ZAN: variants seen among roughly 807,000 people sequenced by gnomAD.
ZAN encodes the protein zonadhesin (gene/pseudogene).
A neutral mutation model predicts 286.2 loss-of-function variants in ZAN; 260 were observed. That is an observed-to-expected ratio of 0.91 (90% confidence interval 0.82 to 1.01). ZAN has a LOEUF of 1.01. Among genes scored for constraint, ZAN ranks in the 50% least tolerant of loss-of-function variants. The pLI is 0.00. For synonymous variants in ZAN, 1,368 were observed against 1,417.5 expected (o/e 0.97, Z 0.79); for missense variants, 3,410 against 3,639.2 (o/e 0.94, Z 1.62).
chr7:100,784,818 A>G lies in ZAN; in HGVS notation c.6818A>G (p.His2273Arg). The G allele has an allele frequency of 1.2e-6, 2 of 1,601,730 alleles. No individual in the cohort carries two copies. Among genetic ancestry groups the G allele is most frequent in the Non-Finnish European group, 1.7e-6 (2 of 1,171,892 alleles). Residue 2273 changes from histidine (H) to arginine (R), a missense_variant, in exon 36 of 48, where the codon CAT becomes CGT. Physicochemically the swap from His to Arg is conservative, Grantham distance 29. Transcript: ENST00000613979. ...PRSQCGCKDA[H>R]GGSIPLGKSW... ...AGTCAGTGTGGCTGCAAGGATGCCC[A>G]TGGTGGCTCCATCCCTGTGAGTGGG...
intron 15 of ZAN, among the ~76,000 whole-genome samples, chr7:100,757,525 C>A (rs980606665): frequency 6.6e-6 from 1 of 151,710 alleles, no homozygotes; most frequent in Admixed American, 6.6e-5. Flanking sequence ...GAGGCCAAGG[C>A]GGGCGGATCA....
intron 8 of ZAN, 50 bp downstream of exon 8, chr7:100,746,752 AGGGTTGGCTTGATGGG>A: frequency 1.9e-6 from 3 of 1,594,894 alleles, no homozygotes; most frequent in Non-Finnish European, 1.7e-6. Context: ...CGCATCTCCC[AGGGTTGGCTTGATGGG>A]GAAACATGGG....
intron 24 of ZAN, 88 bp downstream of exon 24, chr7:100,766,754 A>T: frequency 6.7e-7 from 1 of 1,484,264 alleles, no homozygotes; most frequent in Non-Finnish European, 9.0e-7. Flanking sequence ...GCTTCCCCAG[A>T]CAGCTGAGTC....
At chr7:100,794,855 A>G (rs2116355582) in intron 44 of ZAN, among the ~76,000 whole-genome samples, 1 of 130,266 alleles carries the variant, frequency 7.7e-6, no homozygotes, top group East Asian at 2.7e-4. Flanking sequence ...AGAGAAGAGA[A>G]GGGAGGAGGG....
At chr7:100,747,667 C>A (rs1808328185) in intron 9 of ZAN, 26 bp downstream of exon 9, 8 of 1,599,550 alleles carry the variant, frequency 5.0e-6, no homozygotes, top group Non-Finnish European at 6.0e-6. Context: ...GGGTCAGGTC[C>A]TTGCACATGG....
Position 100,737,293 on chromosome 7 carries a change from C to A in ZAN, c.557C>A (p.Ala186Asp), listed in dbSNP as rs777692278. Residue 186 changes from alanine (A) to aspartate (D), a missense_variant, in exon 6 of 48, where the codon GCC becomes GAC. By Grantham distance (126) the Ala-to-Asp change is moderately radical. Coordinates refer to ENST00000613979, the MANE Select transcript of ZAN (RefSeq NM_003386.3). ...TTTGAGGGAACACGGGGTAGCACTG[C>A]CTACCTGGACATCGCCCTGGATGCC... ...LMFEGTRGSTAYLDIALDALS... is the reference protein window; with the variant it reads ...LMFEGTRGSTDYLDIALDALS... The A allele has an allele frequency of 1.3e-6, 2 of 1,490,354 alleles. No homozygotes were observed. The highest frequency in any genetic ancestry group is 1.4e-5 in the African/African-American group (1 of 70,348). 92.3% of individuals were successfully genotyped at this position (1,490,354 alleles called of 1,614,324 possible). A position where few individuals can be genotyped will look rare whatever the true frequency, so the allele number is the denominator to read the frequency against.
At chr7:100,792,998 G>GAAA (rs1233962121) in intron 42 of ZAN, among the ~76,000 whole-genome samples, 1 of 95,376 alleles carries the variant, frequency 1.0e-5, no homozygotes, top group Non-Finnish European at 2.4e-5. Context: ...AAAAAAAAAA[G>GAAA]AAAGAAAGAA....
At chr7:100,742,894 ACGGG>A (rs1280363181) in intron 7 of ZAN, among the ~76,000 whole-genome samples, 1 of 35,230 alleles carries the variant, frequency 2.8e-5, no homozygotes, top group Non-Finnish European at 7.0e-5. Context: ...GGGGAGGGGG[ACGGG>A]GACGATCTGA....
chr7:100,738,424 G>A lies in ZAN; in HGVS notation c.614-37G>A. 2.1e-6 allele frequency: 3 copies of A among 1,442,174 alleles called. 1 individual carries two copies. The highest frequency in any genetic ancestry group is 2.1e-5 in the Admixed American group (1 of 48,174). The allele number at this position is 1,442,174 out of a possible 1,614,324, so 89.3% of individuals were successfully genotyped here. A position where few individuals can be genotyped will look rare whatever the true frequency, so the allele number is the denominator to read the frequency against. On this transcript the variant is annotated intron_variant, in intron 6 of 47. Coordinates refer to ENST00000613979, the MANE Select transcript of ZAN (RefSeq NM_003386.3). The stretch of plus-strand genomic sequence containing the variant: ...CAGAGACCCTGTCTCTAAAAAAGAA[G>A]AAAACATTATATCTTCCCTTCTTTC...
At chr7:100,761,514 G>A (rs1028807228) in intron 19 of ZAN, among the ~76,000 whole-genome samples, 1 of 152,076 alleles carries the variant, frequency 6.6e-6, no homozygotes, top group Admixed American at 6.6e-5. Context: ...CTTGCCTGTA[G>A]TCTCAGCTAC....
At position 100,773,491 on chromosome 7, in the gene ZAN, C is replaced by T. The variant is rs314298; in HGVS notation, c.5632C>T (p.Pro1878Ser). Residue 1878 changes from proline (P) to serine (S), a missense_variant and splice_region_variant, in exon 30 of 48, where the codon CCG (proline) becomes TCG (serine). Physicochemically the swap from Pro to Ser is moderately conservative, Grantham distance 74. Coordinates refer to ENST00000613979, the MANE Select transcript of ZAN (RefSeq NM_003386.3). ...CACTGACCCAGCGGGCTCCTACCAC[C>T]CGGTGAGAGGCCAGCTAGGAGGGGC... ...GCTDPAGSYHPVGERWYTENT... is the reference protein window; with the variant it reads ...GCTDPAGSYHSVGERWYTENT... The T allele has an allele frequency of 0.54, 875,883 of 1,611,480 alleles. 245,687 individuals are homozygous for T. Among genetic ancestry groups the T allele is most frequent in the African/African-American group, 0.7 (52,743 of 74,934 alleles).
intron 11 of ZAN, among the ~76,000 whole-genome samples, chr7:100,749,648 A>AT (rs1478364535): frequency 8.0e-5 from 10 of 125,400 alleles, no homozygotes; most frequent in African/African-American, 2.9e-4. Context: ...TCAAAAAAAA[A>AT]AAAATATATA....
Position 100,795,422 on chromosome 7 carries a change from A to G in ZAN, c.8266+86A>G, listed in dbSNP as rs924237537. The G allele has an allele frequency of 5.6e-6, 7 of 1,258,396 alleles. No homozygotes were observed. The African/African-American group carries it at 1.1e-4, about 20-fold the overall frequency. 78.0% of individuals were successfully genotyped at this position (1,258,396 alleles called of 1,614,324 possible). ...ATGATTCTATATGTATTATATTCACATATAGAATGATATGTATTATAATAT... is the reference window on the plus strand; with the variant it reads ...ATGATTCTATATGTATTATATTCACGTATAGAATGATATGTATTATAATAT... On this transcript the variant is annotated intron_variant, in intron 45 of 47. Coordinates refer to ENST00000613979, the MANE Select transcript of ZAN (RefSeq NM_003386.3).
intron 36 of ZAN, 83 bp downstream of exon 36, chr7:100,784,917 G>A: frequency 5.6e-6 from 8 of 1,416,798 alleles, no homozygotes; most frequent in South Asian, 1.5e-5. Flanking sequence ...TCTCAGCCTG[G>A]GATACCCATG....
At chr7:100,795,454 A>G in intron 45 of ZAN, 118 bp downstream of exon 45, 1 of 1,010,526 alleles carries the variant, frequency 9.9e-7, no homozygotes, top group Non-Finnish European at 1.3e-6. Flanking sequence ...ATATTATGTT[A>G]CAGATATTAT....
Position 100,750,734 on chromosome 7 carries a change from A to G in ZAN, c.1359A>G (p.Ala453=), listed in dbSNP as rs944844173. The G allele has an allele frequency of 3.7e-6, 6 of 1,613,100 alleles. No individual in the cohort carries two copies. Among genetic ancestry groups the G allele is most frequent in the Non-Finnish European group, 5.1e-6 (6 of 1,179,626 alleles). ...CAGGTGACATCTGCGTGGAGTTCGC[A>G]TACCACATGTATGGCCTTGGGGAGG... ...CAPGDICVEF[A]YHMYGLGEGT... The change falls in exon 12 of 48, where the codon GCA becomes GCG. Residue 453 remains alanine (A), a synonymous_variant. Transcript: ENST00000613979.
At position 100,789,335 on chromosome 7, in the gene ZAN, A is replaced by G; in HGVS notation, c.7345A>G (p.Arg2449Gly). ...TGAGCTGGTCGTCAGCTTTGGTGGA[A>G]GGAAAAATGCAGGTAATGGAGAGAG... is the stretch of plus-strand genomic sequence containing the variant. ...DFELVVSFGG[R>G]KNAVISLPSM... The change falls in exon 39 of 48, where the codon AGG becomes GGG. Residue 2449 changes from arginine to glycine, a missense_variant. Arg to Gly is a moderately radical substitution (Grantham distance 125). Coordinates refer to ENST00000613979, the MANE Select transcript of ZAN (RefSeq NM_003386.3). 4 of 1,613,696 alleles carry G rather than the reference A, an allele frequency of 2.5e-6. No homozygotes were observed. Among genetic ancestry groups the G allele is most frequent in the Non-Finnish European group, 3.4e-6 (4 of 1,179,754 alleles).
At chr7:100,770,115 C>A in intron 28 of ZAN, 141 bp downstream of exon 28, 1 of 699,322 alleles carries the variant, frequency 1.4e-6, no homozygotes, top group South Asian at 1.9e-5. Flanking sequence ...CAGGGCCAGC[C>A]AGCAGTCACC....
intron 18 of ZAN, among the ~76,000 whole-genome samples, chr7:100,760,069 C>T (rs1025998741): frequency 2.6e-5 from 4 of 152,058 alleles, no homozygotes; most frequent in African/African-American, 4.8e-5. Context: ...AAAAAATTAG[C>T]CTGGTGTGGT....
Sources: gnomAD v4.1 joint callset for allele counts (sites outside exome capture counted in the v4.1 genomes callset) on GRCh38, gnomAD v4.1.1 for gene constraint, MANE v1.5 for transcripts, NCBI Gene and HGNC (gene_info 2026-07-23, HGNC 2026-07-21) for gene names.